Variants in SPPL3 observed in about 807,000 individuals in gnomAD.
The protein encoded by SPPL3 is signal peptide peptidase like 3, also known as signal peptide peptidase-like 3.
In SPPL3, 5 loss-of-function variants were observed where a neutral mutation model predicts 42.4. The ratio of observed to expected loss-of-function variants is 0.12; its 90% CI spans 0.06 to 0.25. The LOEUF (loss-of-function observed/expected upper bound fraction) is 0.25. Ranked by LOEUF, SPPL3 falls within the 10% of genes least tolerant of loss-of-function variation. SPPL3 has a pLI of 1.00. For synonymous variants in SPPL3, 195 were observed against 181.8 expected (o/e 1.07, Z -0.58); for missense variants, 235 against 489.0 (o/e 0.48, Z 4.90).
chr12:120,832,539 G>A (rs1175239723), intron 1 of SPPL3, among the ~76,000 whole-genome samples: 1 of 152,016 alleles, frequency 6.6e-6, no homozygotes, highest in Non-Finnish European at 1.5e-5. Context: ...CAGGTGTAGT[G>A]GCGCATGCCT....
intron 2 of SPPL3, among the ~76,000 whole-genome samples, chr12:120,795,861 T>A (rs547676446): frequency 6.6e-6 from 1 of 152,074 alleles, no homozygotes; most frequent in Non-Finnish European, 1.5e-5. Context: ...CCACTGGAGG[T>A]TTCTCTCTAA....
At chr12:120,857,117 T>A (rs1872485838) in intron 1 of SPPL3, among the ~76,000 whole-genome samples, 1 of 151,758 alleles carries the variant, frequency 6.6e-6, no homozygotes. Flanking sequence ...CCAGGAAGAG[T>A]AATGACCAGA....
chr12:120,776,577 C>CT (rs149282280), intron 6 of SPPL3, among the ~76,000 whole-genome samples: 69 of 146,380 alleles, frequency 4.7e-4, no homozygotes, highest in East Asian at 4.6e-3. Flanking sequence ...CCATGCTGAA[C>CT]TTTTTTTTTT....
chr12:120,857,192 G>C (rs1872489601), intron 1 of SPPL3, among the ~76,000 whole-genome samples: 1 of 152,206 alleles, frequency 6.6e-6, no homozygotes, highest in Non-Finnish European at 1.5e-5. Context: ...GAGCTCTAGA[G>C]CCAGAAAGCT....
intron 1 of SPPL3, among the ~76,000 whole-genome samples, chr12:120,887,482 A>G (rs1034633099): frequency 6.6e-6 from 1 of 152,260 alleles, no homozygotes; most frequent in Non-Finnish European, 1.5e-5. Flanking sequence ...CCTAGTCCCA[A>G]GCTTACTGAT....
intron 2 of SPPL3, among the ~76,000 whole-genome samples, chr12:120,793,531 T>C (rs906308842): frequency 6.6e-6 from 1 of 152,098 alleles, no homozygotes; most frequent in Non-Finnish European, 1.5e-5. Context: ...CATAGCAGGA[T>C]GGCTATAATA....
chr12:120,782,800 G>T, intron 5 of SPPL3, 33 bp from the exon 6 acceptor site: 1 of 1,493,744 alleles, frequency 6.7e-7, no homozygotes, highest in Non-Finnish European at 9.2e-7. Context: ...TGGACAGTGG[G>T]CACACTTTAT....
intron 1 of SPPL3, among the ~76,000 whole-genome samples, chr12:120,852,768 ATT>A (rs1872287371): frequency 8.1e-5 from 4 of 49,114 alleles, no homozygotes; most frequent in Admixed American, 3.2e-4. Context: ...ATCTATGTAT[ATT>A]ATATATAAAA....
chr12:120,816,784 C>T (rs1870890882), intron 1 of SPPL3, among the ~76,000 whole-genome samples: 1 of 152,224 alleles, frequency 6.6e-6, no homozygotes, highest in Non-Finnish European at 1.5e-5. Flanking sequence ...GCCAGATGCA[C>T]TTCTGATCTT....
intron 9 of SPPL3, 24 bp downstream of exon 9, chr12:120,767,370 C>T (rs1217961240): frequency 6.2e-7 from 1 of 1,604,234 alleles, no homozygotes; most frequent in Admixed American, 1.7e-5. Flanking sequence ...CGAGGATCAT[C>T]TGCAGTCTCT....
chr12:120,784,612 C>T lies in SPPL3; in HGVS notation c.191-19G>A, dbSNP rs548537677. ...TGGATGCCTGAAAGAGAAAAACAGACAGATTAATAACTTATTATGCACCAG... is the reference window on the plus strand; with the variant it reads ...TGGATGCCTGAAAGAGAAAAACAGATAGATTAATAACTTATTATGCACCAG... On this transcript the variant is annotated intron_variant, in intron 3 of 10. Transcript: ENST00000353487. The T allele has an allele frequency of 3.1e-6, 5 of 1,588,172 alleles. No homozygotes were observed. The highest frequency in any genetic ancestry group is 8.6e-7 in the Non-Finnish European group (1 of 1,169,320).
intron 1 of SPPL3, among the ~76,000 whole-genome samples, chr12:120,836,253 A>T (rs1592987274): frequency 6.6e-6 from 1 of 152,110 alleles, no homozygotes; most frequent in Admixed American, 6.6e-5. Flanking sequence ...GGCTACAGAA[A>T]GCAGGCTGTG....
intron 1 of SPPL3, among the ~76,000 whole-genome samples, chr12:120,831,260 C>T (rs139486477): frequency 9.9e-5 from 15 of 152,186 alleles, no homozygotes; most frequent in African/African-American, 3.4e-4. Context: ...GATGGTGGTG[C>T]TTCACAGCCT....
At chr12:120,813,645 C>T (rs1870765475) in intron 1 of SPPL3, among the ~76,000 whole-genome samples, 1 of 150,992 alleles carries the variant, frequency 6.6e-6, no homozygotes. Flanking sequence ...ATTACAGATA[C>T]AACCTGAAGT....
chr12:120,812,045 C>A (rs566549942), intron 1 of SPPL3, among the ~76,000 whole-genome samples: 1 of 149,540 alleles, frequency 6.7e-6, no homozygotes, highest in African/African-American at 2.5e-5. Flanking sequence ...TGGGAACCAG[C>A]AGAGGGAAGA....
chr12:120,783,061 T>C (rs1388194067), intron 5 of SPPL3, among the ~76,000 whole-genome samples: 1 of 152,184 alleles, frequency 6.6e-6, no homozygotes, highest in Non-Finnish European at 1.5e-5. Context: ...TCTATTCTTA[T>C]GAGGAAAACA....
intron 1 of SPPL3, among the ~76,000 whole-genome samples, chr12:120,849,509 A>G (rs1872154243): frequency 6.6e-6 from 1 of 152,248 alleles, no homozygotes. Context: ...AAATACAGGT[A>G]AAATGTAGAC....
chr12:120,766,417 T>C (rs1177639888), intron 9 of SPPL3, 45 bp from the exon 10 acceptor site: 1 of 1,493,282 alleles, frequency 6.7e-7, no homozygotes, highest in Non-Finnish European at 9.1e-7. Flanking sequence ...AGGGAACCCG[T>C]GTCACCTGGC....
In SPPL3 at chr12:120,768,495, A is replaced by G. The variant is rs765527777; in HGVS notation, c.610-7T>C. ...TGTAGGCTGAGAAAAATACCTGCCGAGTTGGAGAGATGCCTTTAACAGAGG... is the reference window on the plus strand; with the variant it reads ...TGTAGGCTGAGAAAAATACCTGCCGGGTTGGAGAGATGCCTTTAACAGAGG... On this transcript the variant is annotated splice_region_variant and splice_polypyrimidine_tract_variant and intron_variant, in intron 7 of 10. Transcript: ENST00000353487. 11 of 1,609,742 alleles carry G rather than the reference A, an allele frequency of 6.8e-6. No individual in the cohort carries two copies. The African/African-American group carries it at 1.5e-4, about 21-fold the overall frequency.
Sources: allele counts gnomAD v4.1 joint callset (sites outside exome capture counted in the v4.1 genomes callset), GRCh38; gene constraint gnomAD v4.1.1; transcripts MANE v1.5; gene names NCBI Gene and HGNC (gene_info 2026-07-23, HGNC 2026-07-21).